BAZ2A: variants seen among roughly 807,000 people sequenced by gnomAD.
The protein encoded by BAZ2A is bromodomain adjacent to zinc finger domain 2A.
In BAZ2A, 34 loss-of-function variants were observed where a neutral mutation model predicts 199.9. The ratio of observed to expected loss-of-function variants is 0.17; its 90% CI spans 0.13 to 0.23. The LOEUF (loss-of-function observed/expected upper bound fraction) is 0.23. Ranked by LOEUF, BAZ2A falls within the 10% of genes least tolerant of loss-of-function variation. BAZ2A has a pLI of 1.00. For missense variants in BAZ2A, 2,002 were observed against 2,391.1 expected (o/e 0.84, Z 3.39); for synonymous variants, 857 against 883.9 (o/e 0.97, Z 0.54).
Position 56,613,125 on chromosome 12 carries a change from G to C in BAZ2A, c.1025C>G (p.Ser342Cys). 1 of 1,613,992 alleles carries C rather than the reference G, an allele frequency of 6.2e-7. No homozygotes were observed. The highest frequency in any genetic ancestry group is 8.5e-7 in the Non-Finnish European group (1 of 1,179,890). The change falls in exon 5 of 29, where the codon TCC becomes TGC. Residue 342 changes from serine (S) to cysteine (C), a missense_variant. By Grantham distance (112) the Ser-to-Cys change is moderately radical. Coordinates refer to ENST00000549884, the MANE Select transcript of BAZ2A (RefSeq NM_001300905.2). ...SPVISALDCP[S>C]LNNATAFSLL... Reference sequence around the variant, plus strand: ...ACTGAAGGCAGTAGCATTATTGAGGGAAGGGCAATCAAGGGCAGAAATCAC... The same window carrying C: ...ACTGAAGGCAGTAGCATTATTGAGGCAAGGGCAATCAAGGGCAGAAATCAC...
rs7974600 is a variant in BAZ2A at position 56,613,214 on chromosome 12, T to C, written c.936A>G (p.Leu312=). The C allele has an allele frequency of 0.026, 41,375 of 1,613,872 alleles. 2,027 individuals carry two copies. Among genetic ancestry groups the C allele is most frequent in the African/African-American group, 0.21 (15,513 of 74,964 alleles). Residue 312 remains leucine (L), a synonymous_variant, in exon 5 of 29, where the codon CTA becomes CTG. Transcript: ENST00000549884. ...TCAGCTCCGTGTCATCAATACCATATAGTCCTCCACTCACTGGCTCTGTTT... is the reference window on the plus strand; with the variant it reads ...TCAGCTCCGTGTCATCAATACCATACAGTCCTCCACTCACTGGCTCTGTTT... ...SLAPEPVSGG[L]YGIDDTELMG...
Position 56,613,154 on chromosome 12 carries a change from G to A in BAZ2A, c.996C>T (p.Ser332=), listed in dbSNP as rs749826073. ...GAEDKLPLED[S]PVISALDCPS... ...GGCAATCAAGGGCAGAAATCACAGGGCTGTCCTCAAGAGGCAGCTTGTCCT... is the reference window on the plus strand; with the variant it reads ...GGCAATCAAGGGCAGAAATCACAGGACTGTCCTCAAGAGGCAGCTTGTCCT... The change falls in exon 5 of 29, where the codon AGC becomes AGT. Residue 332 remains serine, a synonymous_variant. Coordinates refer to ENST00000549884, the MANE Select transcript of BAZ2A (RefSeq NM_001300905.2). The A allele has an allele frequency of 1.2e-6, 2 of 1,613,878 alleles. No individual in the cohort carries two copies. Among genetic ancestry groups the A allele is most frequent in the Admixed American group, 1.7e-5 (1 of 59,994 alleles).
At chr12:56,622,864 C>T (rs188935576) in intron 1 of BAZ2A, among the ~76,000 whole-genome samples, 1 of 152,142 alleles carries the variant, frequency 6.6e-6, no homozygotes, top group Non-Finnish European at 1.5e-5. Context: ...AAAGCCCTCC[C>T]CACAGGGCCG....
At chr12:56,607,923 A>G (rs540046336) in intron 10 of BAZ2A, among the ~76,000 whole-genome samples, 1 of 151,996 alleles carries the variant, frequency 6.6e-6, no homozygotes, top group South Asian at 2.1e-4. Flanking sequence ...TCTACTAAAA[A>G]TACAAAATTA....
chr12:56,625,818 G>A (rs1029748220), intron 1 of BAZ2A, among the ~76,000 whole-genome samples: 1 of 146,272 alleles, frequency 6.8e-6, no homozygotes, highest in African/African-American at 2.6e-5. Flanking sequence ...GGAGCTTGCA[G>A]TGAGTCGAGA....
At chr12:56,621,927 C>A (rs551742391) in intron 1 of BAZ2A, among the ~76,000 whole-genome samples, 21 of 152,030 alleles carry the variant, frequency 1.4e-4, no homozygotes, top group Non-Finnish European at 2.6e-4. Flanking sequence ...TGGCCTCAAG[C>A]AATTCTCCCA....
chr12:56,599,330 G>C lies in BAZ2A; in HGVS notation c.5201C>G (p.Pro1734Arg). 6.2e-7 allele frequency: 1 copy of C among 1,613,444 alleles called. No individual in the cohort carries two copies. Reference sequence around the variant, plus strand: ...CTTCTGGCCACGCTTTGGGAAACCAGGCTTCTGAGTGAATTCTCCCTCCAC... The same window carrying C: ...CTTCTGGCCACGCTTTGGGAAACCACGCTTCTGAGTGAATTCTCCCTCCAC... The part of the protein sequence containing the change: ...QQVEGEFTQK[P>R]GFPKRGQKRK... Residue 1734 changes from proline (P) to arginine (R), a missense_variant, in exon 27 of 29, where the codon CCT becomes CGT. This residue lies in a region of BAZ2A where 122 missense variants were observed against 123.0 expected (regional missense o/e 0.99). Transcript: ENST00000549884.
upstream of BAZ2A, chr12:56,634,962 C>T: frequency 1.2e-5 from 12 of 984,974 alleles, no homozygotes; most frequent in Non-Finnish European, 1.4e-5. Flanking sequence ...AGGGCCGGGC[C>T]GCAGGCGGCG....
chr12:56,623,011 C>A (rs978124054), intron 1 of BAZ2A, among the ~76,000 whole-genome samples: 1 of 151,906 alleles, frequency 6.6e-6, no homozygotes, highest in East Asian at 1.9e-4. Flanking sequence ...CCGAGGTGAG[C>A]GGATCACGAG....
chr12:56,621,886 C>T (rs1023190327), intron 1 of BAZ2A, among the ~76,000 whole-genome samples: 1 of 151,994 alleles, frequency 6.6e-6, no homozygotes, highest in African/African-American at 2.4e-5. Context: ...CACAGGGTCT[C>T]GCTATGTTGC....
chr12:56,605,253 C>T lies in BAZ2A; in HGVS notation c.2568G>A (p.Val856=). 2 of 1,613,806 alleles carry T rather than the reference C, an allele frequency of 1.2e-6. No individual in the cohort carries two copies. The highest frequency in any genetic ancestry group is 1.7e-6 in the Non-Finnish European group (2 of 1,179,842). The change falls in exon 14 of 29, where the codon GTG becomes GTA. Residue 856 remains valine (V), a synonymous_variant. Coordinates refer to ENST00000549884, the MANE Select transcript of BAZ2A (RefSeq NM_001300905.2). ...SGAFSDCLTI[V]EFLHSFGKVL... Reference sequence around the variant, plus strand: ...CCTTGCCAAAGCTATGCAGGAACTCCACAATGGTCAAGCAGTCTGAGAAGG... The same window carrying T: ...CCTTGCCAAAGCTATGCAGGAACTCTACAATGGTCAAGCAGTCTGAGAAGG...
At position 56,615,288 on chromosome 12, in the gene BAZ2A, G is replaced by A; in HGVS notation, c.456C>T (p.Thr152=). ...AGSQEFWANG[T]QSPMGLNFDS... is the part of the protein sequence containing the mutation. ...CAAAGTTAAGCCCCATGGGACTCTG[G>A]GTACCGTTGGCCCAGAACTCTTGGC... is the stretch of plus-strand genomic sequence containing the variant. The change falls in exon 3 of 29, where the codon ACC becomes ACT. Residue 152 remains threonine, a synonymous_variant. Transcript: ENST00000549884. 6.2e-7 allele frequency: 1 copy of A among 1,613,976 alleles called. No individual in the cohort carries two copies. Among genetic ancestry groups the A allele is most frequent in the Non-Finnish European group, 8.5e-7 (1 of 1,179,886 alleles).
At chr12:56,627,993 C>T (rs1369387668) in intron 1 of BAZ2A, among the ~76,000 whole-genome samples, 1 of 151,070 alleles carries the variant, frequency 6.6e-6, no homozygotes, top group Non-Finnish European at 1.5e-5. Flanking sequence ...ACCAGCCTGG[C>T]CAACATGATG....
At chr12:56,630,085 C>T in intron 1 of BAZ2A, 40 bp downstream of exon 1, 6 of 953,838 alleles carry the variant, frequency 6.3e-6, no homozygotes, top group Non-Finnish European at 7.5e-6. Flanking sequence ...GAAAGCGGGG[C>T]TCCCTCCCCC....
rs966907332 is a variant in BAZ2A, at chr12:56,599,824, C to T, written c.5050G>A (p.Asp1684Asn). The change falls in exon 26 of 29, where the codon GAC (aspartate) becomes AAC (asparagine). Residue 1684 changes from aspartate to asparagine, a missense_variant. Physicochemically the swap from Asp to Asn is conservative, Grantham distance 23. Coordinates refer to ENST00000549884, the MANE Select transcript of BAZ2A (RefSeq NM_001300905.2). ...CAAAGCAGAAGAAACTCATCATTGT[C>T]ACCCTTCCGGCAGACTAGACATGTC... ...KVTCLVCRKGDNDEFLLLCDG... is the reference protein window; with the variant it reads ...KVTCLVCRKGNNDEFLLLCDG... 8 of 1,614,012 alleles carry T rather than the reference C, an allele frequency of 5.0e-6. No homozygotes were observed. The highest frequency in any genetic ancestry group is 6.8e-6 in the Non-Finnish European group (8 of 1,179,884).
At chr12:56,614,950 A>G in intron 3 of BAZ2A, 64 bp downstream of exon 3, 1 of 1,486,062 alleles carries the variant, frequency 6.7e-7, no homozygotes, top group Non-Finnish European at 9.2e-7. Flanking sequence ...TCACCTCAAA[A>G]AGCCACTATC....
Position 56,615,000 on chromosome 12 carries a change from CAACCCAGT to C in BAZ2A, c.730+6_730+13del. 1 of 1,604,626 alleles carries C rather than the reference CAACCCAGT, an allele frequency of 6.2e-7. No individual in the cohort carries two copies. Among genetic ancestry groups the C allele is most frequent in the Non-Finnish European group, 8.5e-7 (1 of 1,175,840 alleles). On this transcript the variant is annotated splice_donor_region_variant and intron_variant, in intron 3 of 28. Transcript: ENST00000549884. ...TTTTTCCTTTCCCCACCCAGTTCAC[CAACCCAGT>C]TATACCTGGCTGCTCTTCTTCCAGC...
At position 56,625,653 on chromosome 12, in the gene BAZ2A, G is replaced by A. The variant is rs1592621223; in HGVS notation, c.-3+4472C>T. On this transcript the variant is annotated intron_variant, in intron 1 of 28. Coordinates refer to ENST00000549884, the MANE Select transcript of BAZ2A (RefSeq NM_001300905.2). The stretch of plus-strand genomic sequence containing the variant: ...AGCACTTTGGGAGGCCGAGACGGGC[G>A]GATCATGAGGTCAGGAGATCGAGAC... Among the ~76,000 whole-genome samples the A allele has an allele frequency of 3.3e-5, 5 of 151,716 alleles. No individual in the cohort carries two copies. The South Asian group carries it at 8.4e-4, about 25-fold the overall frequency.
rs750082048 is a variant in BAZ2A at position 56,605,784 on chromosome 12, A to G, written c.2493+46T>C. The G allele has an allele frequency of 7.2e-6, 11 of 1,526,528 alleles. No individual in the cohort carries two copies. In the South Asian group the frequency reaches 1.1e-4, roughly 16 times the overall value. 94.6% of individuals were successfully genotyped at this position (1,526,528 alleles called of 1,614,324 possible). A position where few individuals can be genotyped will look rare whatever the true frequency, so the allele number is the denominator to read the frequency against. ...GAAGTCCTTTTTTTTTTTTTAAAGG[A>G]AAGTCTTCCCAGCTGACCCAGGAAC... On this transcript the variant is annotated intron_variant, in intron 13 of 28. Coordinates refer to ENST00000549884, the MANE Select transcript of BAZ2A (RefSeq NM_001300905.2).
Sources: gnomAD v4.1 joint callset for allele counts (sites outside exome capture counted in the v4.1 genomes callset) on GRCh38, gnomAD v4.1.1 for gene constraint, gnomAD v4.1.1 regional missense constraint, MANE v1.5 for transcripts, NCBI Gene and HGNC (gene_info 2026-07-23, HGNC 2026-07-21) for gene names.